Variants in MTUS2 observed in about 807,000 individuals in gnomAD.
MTUS2 encodes microtubule-associated tumor suppressor candidate 2.
Under a neutral mutation model 114.1 loss-of-function variants are expected in MTUS2, and 40 were observed. The observed-to-expected ratio is 0.35, with a 90% confidence interval of 0.27 to 0.46. The LOEUF is 0.46. Among genes scored for constraint, MTUS2 ranks in the 20% least tolerant of loss-of-function variants. The pLI is 1.00. For missense variants in MTUS2, 1,679 were observed against 1,705.4 expected (o/e 0.98, Z 0.27); for synonymous variants, 688 against 672.0 (o/e 1.02, Z -0.37).
intron 5 of MTUS2, among the ~76,000 whole-genome samples, chr13:29,251,543 A>G (rs1047830363): frequency 2.6e-5 from 4 of 152,140 alleles, no homozygotes; most frequent in African/African-American, 9.7e-5. Flanking sequence ...TCCAAAACAG[A>G]AACTCTGTGC....
chr13:29,346,218 GGTAA>G (rs890782192), intron 7 of MTUS2, among the ~76,000 whole-genome samples: 4 of 152,230 alleles, frequency 2.6e-5, no homozygotes, highest in African/African-American at 9.6e-5. Flanking sequence ...CCACCTGGGT[GGTAA>G]GTATTTGGTT....
At chr13:29,060,906 T>C (rs1163570110) in intron 4 of MTUS2, among the ~76,000 whole-genome samples, 1 of 151,340 alleles carries the variant, frequency 6.6e-6, no homozygotes, top group Non-Finnish European at 1.5e-5. Flanking sequence ...GTTCAGGTGA[T>C]TCTCCTGCCT....
rs1306898976 is a variant in MTUS2, at chr13:28,957,635, T to C, written c.-242-66822T>C. Among the ~76,000 whole-genome samples, 3 of 152,224 alleles carry C rather than the reference T, an allele frequency of 2.0e-5. No homozygotes were observed. The East Asian group carries it at 5.8e-4, about 29-fold the overall frequency. ...ATGTGCTCAGGTTAGATGCAAATACTATGGCATTTTATGTCAGACACTTGA... is the reference window on the plus strand; with the variant it reads ...ATGTGCTCAGGTTAGATGCAAATACCATGGCATTTTATGTCAGACACTTGA... On this transcript the variant is annotated intron_variant, in intron 2 of 15. Coordinates refer to ENST00000612955, the MANE Select transcript of MTUS2 (RefSeq NM_001033602.4).
At chr13:28,950,766 A>G (rs961084225) in intron 2 of MTUS2, among the ~76,000 whole-genome samples, 4 of 152,236 alleles carry the variant, frequency 2.6e-5, no homozygotes, top group Non-Finnish European at 5.9e-5. Flanking sequence ...ATCACAGATC[A>G]CTGTAACAGA....
At position 29,164,249 on chromosome 13, in the gene MTUS2, C is replaced by T. The variant is rs572775722; in HGVS notation, c.2644+63279C>T. Among the ~76,000 whole-genome samples, 3 of 152,352 alleles carry T rather than the reference C, an allele frequency of 2.0e-5. No individual in the cohort carries two copies. In the East Asian group the frequency reaches 5.8e-4, roughly 29 times the overall value. ...TGTGCCCGCAACAGGCTGGAGGGCT[C>T]CCTTCTCGCTCTGCCTTTCCAGGCT... On this transcript the variant is annotated intron_variant, in intron 5 of 15. Coordinates refer to ENST00000612955, the MANE Select transcript of MTUS2 (RefSeq NM_001033602.4).
intron 2 of MTUS2, among the ~76,000 whole-genome samples, chr13:28,953,149 G>T (rs1466529068): frequency 1.3e-5 from 2 of 151,334 alleles, no homozygotes; most frequent in East Asian, 1.9e-4. Context: ...TCTTGACTTT[G>T]CTGGGAATTT....
At chr13:29,043,676 A>G (rs1887478732) in intron 4 of MTUS2, among the ~76,000 whole-genome samples, 1 of 148,768 alleles carries the variant, frequency 6.7e-6, no homozygotes, top group Non-Finnish European at 1.5e-5. Context: ...CTGTTGGACT[A>G]GTCCTTTTAT....
chr13:28,845,664 T>G lies in MTUS2; in HGVS notation c.-243+5814T>G, dbSNP rs574496799. Among the ~76,000 whole-genome samples, 236 of 152,076 alleles carry G rather than the reference T, an allele frequency of 1.6e-3. 2 individuals carry two copies. Among genetic ancestry groups the G allele is most frequent in the African/African-American group, 4.3e-3 (177 of 41,500 alleles). On this transcript the variant is annotated intron_variant, in intron 2 of 15. Coordinates refer to ENST00000612955, the MANE Select transcript of MTUS2 (RefSeq NM_001033602.4). ...TGTTCCCTCTCTGTTTTGTTTGTTT[T>G]TTTTTTTTAACCTAGACAACTTGCT... is the stretch of plus-strand genomic sequence containing the variant.
chr13:29,412,813 G>A (rs1037278461), intron 8 of MTUS2, among the ~76,000 whole-genome samples: 3 of 152,100 alleles, frequency 2.0e-5, no homozygotes, highest in Non-Finnish European at 4.4e-5. Context: ...GATTGCTTGA[G>A]CCCAGGAGTT....
intron 4 of MTUS2, among the ~76,000 whole-genome samples, chr13:29,091,869 A>G (rs1889966998): frequency 6.6e-6 from 1 of 152,246 alleles, no homozygotes. Context: ...CTCAAAGCAC[A>G]AGAAGCCAAG....
At chr13:29,378,291 TAAAA>T (rs202110096) in intron 8 of MTUS2, among the ~76,000 whole-genome samples, 1 of 110,850 alleles carries the variant, frequency 9.0e-6, no homozygotes, top group Non-Finnish European at 2.2e-5. Flanking sequence ...TATAATAAAT[TAAAA>T]AAAGAAAAAA....
rs151020932 is a variant in MTUS2 at position 29,061,397 on chromosome 13, G to T, written c.2446+27272G>T. Among the ~76,000 whole-genome samples, 229 of 152,298 alleles carry T rather than the reference G, an allele frequency of 1.5e-3. 1 individual carries two copies. The highest frequency in any genetic ancestry group is 5.3e-3 in the African/African-American group (219 of 41,572). ...TCAGCCTGTGTGAGTTCTGGGAATT[G>T]TTTATCTTACAGCTGCCTCATAGCT... is the stretch of plus-strand genomic sequence containing the variant. On this transcript the variant is annotated intron_variant, in intron 4 of 15. Coordinates refer to ENST00000612955, the MANE Select transcript of MTUS2 (RefSeq NM_001033602.4).
rs751060661 is a variant in MTUS2, at chr13:29,503,239, C to G, written c.*33C>G. 1 of 1,608,644 alleles carries G rather than the reference C, an allele frequency of 6.2e-7. No individual in the cohort carries two copies. The highest frequency in any genetic ancestry group is 8.5e-7 in the Non-Finnish European group (1 of 1,178,346). On this transcript the variant is annotated 3_prime_UTR_variant, in exon 16 of 16. Coordinates refer to ENST00000612955, the MANE Select transcript of MTUS2 (RefSeq NM_001033602.4). ...ACACGGCCTGCGGGAGCTCCGGCTT[C>G]TCGTCCTCCGGTCTCCACCCTGAGG...
At chr13:29,228,603 A>G (rs1281597189) in intron 5 of MTUS2, among the ~76,000 whole-genome samples, 2 of 152,168 alleles carry the variant, frequency 1.3e-5, no homozygotes, top group Non-Finnish European at 2.9e-5. Context: ...TGCAGGCATG[A>G]GACACTAGGC....
At chr13:29,207,004 G>T (rs1895216915) in intron 5 of MTUS2, among the ~76,000 whole-genome samples, 1 of 152,108 alleles carries the variant, frequency 6.6e-6, no homozygotes, top group Non-Finnish European at 1.5e-5. Context: ...TGGCAGTGTG[G>T]TCATTTTCAC....
chr13:29,304,137 G>C (rs1899331078), intron 6 of MTUS2, among the ~76,000 whole-genome samples: 1 of 152,032 alleles, frequency 6.6e-6, no homozygotes, highest in South Asian at 2.1e-4. Context: ...CCCAAAGGAA[G>C]CACAAAATAT....
At chr13:29,247,172 C>A (rs975900236) in intron 5 of MTUS2, among the ~76,000 whole-genome samples, 1 of 152,134 alleles carries the variant, frequency 6.6e-6, no homozygotes, top group African/African-American at 2.4e-5. Flanking sequence ...GGAAAGGACA[C>A]CTTATTCAAC....
chr13:29,053,137 TG>T (rs1887978467), intron 4 of MTUS2, among the ~76,000 whole-genome samples: 1 of 152,234 alleles, frequency 6.6e-6, no homozygotes, highest in Non-Finnish European at 1.5e-5. Flanking sequence ...ACAATGATAA[TG>T]ATACTAATGT....
At chr13:29,122,308 C>A (rs1016886706) in intron 5 of MTUS2, among the ~76,000 whole-genome samples, 1 of 152,074 alleles carries the variant, frequency 6.6e-6, no homozygotes, top group African/African-American at 2.4e-5. Context: ...AAGACTGGGT[C>A]ATTTATAAAG....
Sources: gnomAD v4.1 joint callset for allele counts (sites outside exome capture counted in the v4.1 genomes callset) on GRCh38, gnomAD v4.1.1 for gene constraint, MANE v1.5 for transcripts, NCBI Gene and HGNC (gene_info 2026-07-23, HGNC 2026-07-21) for gene names.